The following RNF144A variants were observed in gnomAD, a reference collection of about 807,000 sequenced individuals.
RNF144A encodes the protein E3 ubiquitin-protein ligase RNF144A.
In RNF144A, 11 loss-of-function variants were observed where a neutral mutation model predicts 38.7. The ratio of observed to expected loss-of-function variants is 0.28; its 90% CI spans 0.18 to 0.47. The LOEUF is 0.47. Among genes scored for constraint, RNF144A ranks in the 20% least tolerant of loss-of-function variants. RNF144A has a pLI of 0.99. For synonymous variants in RNF144A, 149 were observed against 143.9 expected, an observed-to-expected ratio of 1.04 and a Z score of -0.25; for missense variants, 316 against 377.2, an observed-to-expected ratio of 0.84 and a Z score of 1.34.
chr2:7,011,498 G>A (rs1670799427), intron 3 of RNF144A, among the ~76,000 whole-genome samples: 2 of 152,170 alleles, frequency 1.3e-5, no homozygotes, highest in African/African-American at 4.8e-5. Context: ...TGTTGTTGAT[G>A]TCTCTGAGCC....
intron 2 of RNF144A, among the ~76,000 whole-genome samples, chr2:6,994,298 G>A (rs1669580761): frequency 6.6e-6 from 1 of 152,160 alleles, no homozygotes; most frequent in Admixed American, 6.5e-5. Context: ...CCAAGCCTCA[G>A]TGCCTGGGGT....
intron 2 of RNF144A, among the ~76,000 whole-genome samples, chr2:6,969,698 A>C (rs960538001): frequency 6.6e-6 from 1 of 152,210 alleles, no homozygotes; most frequent in Non-Finnish European, 1.5e-5. Context: ...ATTTGACCTC[A>C]AGTGACGGAT....
At chr2:6,967,850 C>T (rs953610531) in intron 2 of RNF144A, among the ~76,000 whole-genome samples, 3 of 152,154 alleles carry the variant, frequency 2.0e-5, no homozygotes, top group African/African-American at 7.2e-5. Context: ...AACTCAAAAG[C>T]TCGCTGGAAA....
At chr2:7,011,788 CTT>C (rs1297504318) in intron 3 of RNF144A, among the ~76,000 whole-genome samples, 1 of 152,196 alleles carries the variant, frequency 6.6e-6, no homozygotes, top group African/African-American at 2.4e-5. Flanking sequence ...TCATGACCCA[CTT>C]TATATCTGGA....
intron 1 of RNF144A, among the ~76,000 whole-genome samples, chr2:6,935,553 T>G (rs894302181): frequency 1.2e-4 from 19 of 152,324 alleles, no homozygotes; most frequent in Admixed American, 7.2e-4. Flanking sequence ...CTTCCAGTGT[T>G]AATGGTAACA....
chr2:7,030,764 A>G (rs1319271613), intron 8 of RNF144A, among the ~76,000 whole-genome samples: 1 of 152,058 alleles, frequency 6.6e-6, no homozygotes, highest in East Asian at 1.9e-4. Context: ...TTTATTGTGC[A>G]CTTTATGTCA....
At chr2:7,073,338 G>A in the RNF144A span, among the ~76,000 whole-genome samples, 99 of 152,230 alleles carry the variant, frequency 6.5e-4, 1 homozygote, top group Middle Eastern at 3.4e-3. Flanking sequence ...ATCACTCCCC[G>A]GAATTGAGTA....
intron 6 of RNF144A, among the ~76,000 whole-genome samples, chr2:7,060,050 T>A (rs1673892625): frequency 6.6e-6 from 1 of 152,206 alleles, no homozygotes; most frequent in African/African-American, 2.4e-5. Flanking sequence ...CATGTCAGTG[T>A]CTTGAAACGT....
intron 6 of RNF144A, among the ~76,000 whole-genome samples, chr2:7,066,369 C>G (rs185709607): frequency 7.2e-5 from 11 of 152,246 alleles, no homozygotes; most frequent in East Asian, 5.8e-4. Context: ...TTACAGGCGT[C>G]AGCCACCATG....
At chr2:6,929,835 T>A (rs1572202403) in intron 1 of RNF144A, among the ~76,000 whole-genome samples, 2 of 152,242 alleles carry the variant, frequency 1.3e-5, no homozygotes, top group East Asian at 3.8e-4. Flanking sequence ...TTTTCCTTGT[T>A]AAGCATGGAA....
At position 7,011,684 on chromosome 2, in the gene RNF144A, G is replaced by A. The variant is rs866359947; in HGVS notation, c.136-2770G>A. On this transcript the variant is annotated intron_variant, in intron 3 of 8. Transcript: ENST00000320892. Reference sequence around the variant, plus strand: ...AAAATGTGTCAGTATCTGCTTTTAGGCTGTGTATTTTACAGAAGTTTCTCT... The same window carrying A: ...AAAATGTGTCAGTATCTGCTTTTAGACTGTGTATTTTACAGAAGTTTCTCT... Among the ~76,000 whole-genome samples the A allele has an allele frequency of 4.6e-5, 7 of 152,232 alleles. 1 individual carries two copies. In the Middle Eastern group the frequency reaches 0.02, roughly 444 times the overall value.
At chr2:7,002,861 C>G (rs951108941) in intron 3 of RNF144A, among the ~76,000 whole-genome samples, 15 of 152,158 alleles carry the variant, frequency 9.9e-5, no homozygotes, top group African/African-American at 3.6e-4. Flanking sequence ...GATGACAGCT[C>G]CATGGTGTTA....
rs1558459720 is a variant in RNF144A at position 7,042,470 on chromosome 2, G to T, written c.*2710G>T. 2.2e-5 allele frequency: 22 copies of T among 985,396 alleles called. No homozygotes were observed. In the South Asian group the frequency reaches 5.2e-4, roughly 23 times the overall value. The allele number at this position is 985,396 out of a possible 1,614,324, so 61.0% of individuals were successfully genotyped here. ...GTTCACTAAGAGGCCTTTAATCCTGGGGAGTAAGGGGCGAAGGCCCTTAGA... is the reference window on the plus strand; with the variant it reads ...GTTCACTAAGAGGCCTTTAATCCTGTGGAGTAAGGGGCGAAGGCCCTTAGA... On this transcript the variant is annotated 3_prime_UTR_variant, in exon 9 of 9. Transcript: ENST00000320892.
intron 2 of RNF144A, among the ~76,000 whole-genome samples, chr2:6,954,663 A>G (rs949000748): frequency 1.3e-5 from 2 of 152,212 alleles, no homozygotes; most frequent in Admixed American, 1.3e-4. Context: ...CTCTCCACTG[A>G]TAGGTTTTTC....
At chr2:7,056,113 T>C (rs1030690949) in intron 6 of RNF144A, among the ~76,000 whole-genome samples, 7 of 152,208 alleles carry the variant, frequency 4.6e-5, no homozygotes, top group African/African-American at 1.7e-4. Flanking sequence ...TTAATGACTT[T>C]ATTTCTCTGT....
At position 7,014,465 on chromosome 2, in the gene RNF144A, G is replaced by A. The variant is rs1671011588; in HGVS notation, c.147G>A (p.Gln49=). ...QCIFCTLCLK[Q]YVELLIKEGL... The stretch of plus-strand genomic sequence containing the variant: ...TGTTTTTCTTTCAGTGCCTGAAACA[G>A]TATGTTGAGCTCTTGATCAAAGAAG... The change falls in exon 4 of 9, where the codon CAG becomes CAA. Residue 49 remains glutamine (Q), a synonymous_variant. Transcript: ENST00000320892. The A allele has an allele frequency of 4.3e-6, 7 of 1,612,310 alleles. No homozygotes were observed. Among genetic ancestry groups the A allele is most frequent in the Non-Finnish European group, 5.9e-6 (7 of 1,178,494 alleles).
At chr2:6,934,384 A>T (rs6725164) in intron 1 of RNF144A, among the ~76,000 whole-genome samples, 52,976 of 151,992 alleles carry the variant, frequency 0.35, 9,430 homozygotes, top group South Asian at 0.41. Context: ...TATAAATTAG[A>T]AGTATTAATT....
At chr2:7,024,745 C>A (rs1303643912) in intron 7 of RNF144A, among the ~76,000 whole-genome samples, 1 of 152,194 alleles carries the variant, frequency 6.6e-6, no homozygotes. Flanking sequence ...ACACTTCATG[C>A]AGGTTCAGGA....
chr2:6,980,310 T>C (rs1668554526), intron 2 of RNF144A, among the ~76,000 whole-genome samples: 1 of 152,184 alleles, frequency 6.6e-6, no homozygotes, highest in African/African-American at 2.4e-5. Context: ...TCCAAGTCCA[T>C]AGTCTCATCT....
Sources: allele counts gnomAD v4.1 joint callset (sites outside exome capture counted in the v4.1 genomes callset), GRCh38; gene constraint gnomAD v4.1.1; transcripts MANE v1.5; gene names NCBI Gene and HGNC (gene_info 2026-07-23, HGNC 2026-07-21).